PPP1R1C: variants seen among roughly 807,000 people sequenced by gnomAD.
PPP1R1C encodes protein phosphatase 1 regulatory subunit 1C.
In PPP1R1C, 15 loss-of-function variants were observed where a neutral mutation model predicts 17.4. The observed-to-expected ratio is 0.86, with a 90% CI of 0.58 to 1.33. The LOEUF is 1.33. Ranked by LOEUF, PPP1R1C falls within the 40% of genes most tolerant of loss-of-function variation. The probability of loss-of-function intolerance (pLI) is 0.00; values close to 1 mark genes in which losing one functional copy is unlikely to be tolerated. For synonymous variants in PPP1R1C, 35 were observed against 43.1 expected (o/e 0.81, Z 0.73); for missense variants, 143 against 130.0 (o/e 1.10, Z -0.48).
rs200814856 is a variant in PPP1R1C, at chr2:181,987,831, G to A, written c.82-8G>A. ...CACTGATATTAGCTGGGCTTTTGTC[G>A]TTCACAGATCAGGAAAAGAAGACCT... is the stretch of plus-strand genomic sequence containing the variant. On this transcript the variant is annotated splice_polypyrimidine_tract_variant and splice_region_variant and intron_variant, in intron 1 of 4. Coordinates refer to ENST00000682840, the MANE Select transcript of PPP1R1C (RefSeq NM_001080545.3). 5.0e-5 allele frequency: 81 copies of A among 1,612,656 alleles called. No individual in the cohort carries two copies. The highest frequency in any genetic ancestry group is 2.9e-4 in the East Asian group (13 of 44,800).
At chr2:182,039,274 GA>G (rs1176971223) in intron 2 of PPP1R1C, among the ~76,000 whole-genome samples, 1 of 152,084 alleles carries the variant, frequency 6.6e-6, no homozygotes, top group African/African-American at 2.4e-5. Context: ...AATTTTGATT[GA>G]AAGTGTCATA....
rs147703164 is a variant in PPP1R1C, at chr2:182,051,439, A to G, written c.143-10003A>G. ...TATACAGGGAGAAGTGATAATATTC[A>G]TAAGGCTTAGCCATGGTTTTTTTCT... On this transcript the variant is annotated intron_variant, in intron 2 of 4. Transcript: ENST00000682840. Among the ~76,000 whole-genome samples the G allele has an allele frequency of 5.3e-5, 8 of 152,366 alleles. No individual in the cohort carries two copies. In the East Asian group the frequency reaches 7.7e-4, roughly 15 times the overall value.
chr2:182,028,892 G>T (rs2125169128), intron 2 of PPP1R1C, among the ~76,000 whole-genome samples: 1 of 109,064 alleles, frequency 9.2e-6, no homozygotes, highest in African/African-American at 3.2e-5. Context: ...GAATCTGGGT[G>T]CTCCTGTATT....
intron 4 of PPP1R1C, among the ~76,000 whole-genome samples, chr2:182,067,556 G>A (rs1266238410): frequency 1.3e-5 from 2 of 151,978 alleles, no homozygotes; most frequent in Middle Eastern, 3.2e-3. Context: ...GTGATTTCCT[G>A]GAACTCAATA....
chr2:182,060,163 TAAAG>T (rs199906898), intron 2 of PPP1R1C, among the ~76,000 whole-genome samples: 2,659 of 152,210 alleles, frequency 0.017, 42 homozygotes, highest in Middle Eastern at 0.051. Flanking sequence ...CTCCCTTATA[TAAAG>T]AAAGTACAAT....
At position 181,957,043 on chromosome 2, in the gene PPP1R1C, C is replaced by T. The variant is rs1179486426; in HGVS notation, n.111+2409C>T. Among the ~76,000 whole-genome samples, 1 of 152,120 alleles carries T rather than the reference C, an allele frequency of 6.6e-6. No homozygotes were observed. Among genetic ancestry groups the T allele is most frequent in the African/African-American group, 2.4e-5 (1 of 41,434 alleles). On this transcript the variant is annotated intron_variant and non_coding_transcript_variant, in intron 1 of 5. Transcript: ENST00000464264. The surrounding 1 kb of genome is among the most constrained non-coding windows in gnomAD (Gnocchi z 4.2). ...AGCTGTTTTAATTTAAATAAGTATG[C>T]ATGTGCTTTGCCACTGGATAATTGT... is the stretch of plus-strand genomic sequence containing the variant.
In PPP1R1C at chr2:181,961,869, C is replaced by A. The variant is rs143040120; in HGVS notation, n.111+7235C>A. 4.8e-6 allele frequency: 4 copies of A among 840,694 alleles called. No homozygotes were observed. In the Admixed American group the frequency reaches 6.8e-5, roughly 14 times the overall value. The allele number at this position is 840,694 out of a possible 1,614,324, so 52.1% of individuals were successfully genotyped here. A position where few individuals can be genotyped will look rare whatever the true frequency, so the allele number is the denominator to read the frequency against. ...TGAAGAGCAGCTCCTCCTTGAGAGC[C>A]TCCATCTCTGTCTCCAGTGGCAGCC... On this transcript the variant is annotated intron_variant and non_coding_transcript_variant, in intron 1 of 5. Transcript: ENST00000464264. This position sits in a 1 kb window ranked among gnomAD's most constrained non-coding sequence, Gnocchi z 5.8.
intron 2 of PPP1R1C, among the ~76,000 whole-genome samples, chr2:182,009,053 C>T (rs996074868): frequency 6.6e-6 from 1 of 152,092 alleles, no homozygotes; most frequent in Non-Finnish European, 1.5e-5. Context: ...TAGATTGCTT[C>T]CAAATCTTGG....
Position 182,069,091 on chromosome 2 carries a change from C to G in PPP1R1C, c.241+5300C>G, listed in dbSNP as rs1359186653. On this transcript the variant is annotated intron_variant, in intron 4 of 4. Coordinates refer to ENST00000682840, the MANE Select transcript of PPP1R1C (RefSeq NM_001080545.3). ...CACTACATTCCTTTTATAAACACTC[C>G]TGTCCCTCTGTGGGTGTTCTTCAGG... 4.6e-5 allele frequency among the ~76,000 whole-genome samples: 7 copies of G among 152,284 alleles called. No homozygotes were observed. The East Asian group carries it at 1.4e-3, about 29-fold the overall frequency.
At chr2:181,959,254 CA>C (rs1264131511) in intron 1 of PPP1R1C, among the ~76,000 whole-genome samples, 1 of 152,178 alleles carries the variant, frequency 6.6e-6, no homozygotes, top group Non-Finnish European at 1.5e-5. Flanking sequence ...TTGATATTAG[CA>C]ACCTCATTTT....
intron 2 of PPP1R1C, among the ~76,000 whole-genome samples, chr2:181,995,121 C>T (rs1451363723): frequency 6.6e-6 from 1 of 152,112 alleles, no homozygotes; most frequent in African/African-American, 2.4e-5. Flanking sequence ...GACATATTTA[C>T]AATCTGACAT....
chr2:182,033,153 C>A (rs1686896328), intron 2 of PPP1R1C, among the ~76,000 whole-genome samples: 1 of 152,126 alleles, frequency 6.6e-6, no homozygotes, highest in South Asian at 2.1e-4. Flanking sequence ...TCTTGCAATT[C>A]TTTTCTTCCC....
chr2:182,052,439 G>C (rs1232756172), intron 2 of PPP1R1C, among the ~76,000 whole-genome samples: 2 of 152,196 alleles, frequency 1.3e-5, no homozygotes, highest in Non-Finnish European at 2.9e-5. Flanking sequence ...CAATGCCAAA[G>C]GAATGCCTTG....
At position 181,962,144 on chromosome 2, in the gene PPP1R1C, A is replaced by G; in HGVS notation, n.111+7510A>G. 1.4e-6 allele frequency: 1 copy of G among 732,424 alleles called. No homozygotes were observed. Among genetic ancestry groups the G allele is most frequent in the Non-Finnish European group, 2.5e-6 (1 of 399,532 alleles). 45.4% of individuals were successfully genotyped at this position (732,424 alleles called of 1,614,324 possible). Reference sequence around the variant, plus strand: ...TCCCTTCTTCTCCAGGTGCTCCCGGATTTTGCTCTCCAGCTTCCGGTTCTT... The same window carrying G: ...TCCCTTCTTCTCCAGGTGCTCCCGGGTTTTGCTCTCCAGCTTCCGGTTCTT... On this transcript the variant is annotated intron_variant and non_coding_transcript_variant, in intron 1 of 5. Transcript: ENST00000464264. This position sits in a 1 kb window ranked among gnomAD's most constrained non-coding sequence, Gnocchi z 6.0.
chr2:182,092,717 C>T (rs190100270), intron 4 of PPP1R1C, among the ~76,000 whole-genome samples: 19 of 152,282 alleles, frequency 1.2e-4, no homozygotes, highest in South Asian at 2.1e-4. Context: ...GTCCAAAATC[C>T]AGCAGGATAG....
chr2:182,033,828 AC>A (rs1426522758), intron 2 of PPP1R1C, among the ~76,000 whole-genome samples: 3 of 152,298 alleles, frequency 2.0e-5, no homozygotes, highest in East Asian at 3.9e-4. Context: ...TTTCCTATTT[AC>A]CTTTTCAATC....
At chr2:182,121,275 T>C (rs1020012419), downstream of PPP1R1C, among the ~76,000 whole-genome samples, 4 of 152,166 alleles carry the variant, frequency 2.6e-5, no homozygotes, top group African/African-American at 9.7e-5. Context: ...GGTACAATCA[T>C]ACCTAACCTG....
chr2:181,966,225 C>T (rs1483835706), intron 1 of PPP1R1C, among the ~76,000 whole-genome samples: 1 of 152,056 alleles, frequency 6.6e-6, no homozygotes, highest in Non-Finnish European at 1.5e-5. Flanking sequence ...TAGGTTTTTA[C>T]AAATATAAGA....
rs536732273 is a variant in PPP1R1C, at chr2:181,989,691, A to C, written c.142+1792A>C. Among the ~76,000 whole-genome samples, 3 of 152,272 alleles carry C rather than the reference A, an allele frequency of 2.0e-5. No individual in the cohort carries two copies. The East Asian group carries it at 5.8e-4, about 29-fold the overall frequency. On this transcript the variant is annotated intron_variant, in intron 2 of 4. Coordinates refer to ENST00000682840, the MANE Select transcript of PPP1R1C (RefSeq NM_001080545.3). ...TCAGATCTCCCAATTACTAGATGGC[A>C]TTGTCCCTTTTCTCTAATTGACCTC...
Sources: allele counts gnomAD v4.1 joint callset (sites outside exome capture counted in the v4.1 genomes callset), GRCh38; gene constraint gnomAD v4.1.1; non-coding constraint Gnocchi (gnomAD v3.1); transcripts MANE v1.5; gene names NCBI Gene and HGNC (gene_info 2026-07-23, HGNC 2026-07-21).